CFAP47: variants seen among roughly 807,000 people sequenced by gnomAD.
The protein encoded by CFAP47 is cilia and flagella associated protein 47.
CFAP47 carries 29 observed loss-of-function variants against 148.1 expected under a neutral mutation model. The ratio of observed to expected loss-of-function variants is 0.20; its 90% CI spans 0.15 to 0.27. The LOEUF is 0.27. Ranked by LOEUF, CFAP47 falls within the 10% of genes least tolerant of loss-of-function variation. The pLI is 1.00. For missense variants in CFAP47, 1,872 were observed against 1,697.5 expected (o/e 1.10, Z -1.81); for synonymous variants, 664 against 577.3 (o/e 1.15, Z -2.15).
chrX:36,272,954 T>G (rs911577667), intron 49 of CFAP47, among the ~76,000 whole-genome samples: 12 of 111,023 alleles, frequency 1.1e-4, no homozygotes, highest in Non-Finnish European at 2.1e-4. Flanking sequence ...GCCAGGGAAA[T>G]ATATATGCCT....
At chrX:36,380,467 G>A (rs150591549) in intron 63 of CFAP47, among the ~76,000 whole-genome samples, 1,960 of 111,806 alleles carry the variant, frequency 0.018, 34 homozygotes, top group African/African-American at 0.059. Flanking sequence ...TTCCTGAGAC[G>A]GAGTCTCGCT....
chrX:36,271,329 A>G (rs1940956572), intron 49 of CFAP47, among the ~76,000 whole-genome samples: 1 of 111,643 alleles, frequency 9.0e-6, no homozygotes, highest in Non-Finnish European at 1.9e-5. Context: ...TCATACAGAG[A>G]TTTTCCTTAC....
At chrX:36,181,760 G>A (rs930852407) in intron 40 of CFAP47, among the ~76,000 whole-genome samples, 19 of 111,381 alleles carry the variant, frequency 1.7e-4, no homozygotes, top group African/African-American at 5.2e-4. Context: ...AAAATACTAC[G>A]GATTTACTCA....
intron 1 of CFAP47, among the ~76,000 whole-genome samples, chrX:35,924,232 T>C: frequency 1.1e-5 from 1 of 91,261 alleles, no homozygotes; most frequent in East Asian, 3.5e-4. Context: ...TGTGTATATA[T>C]GGACATGTAT....
At chrX:36,257,856 A>C (rs1940772462) in intron 49 of CFAP47, among the ~76,000 whole-genome samples, 1 of 111,904 alleles carries the variant, frequency 8.9e-6, no homozygotes, top group Non-Finnish European at 1.9e-5. Context: ...CATACTAAAA[A>C]ACTAAATACA....
chrX:36,207,489 C>CT (rs1189987463), intron 45 of CFAP47, among the ~76,000 whole-genome samples: 14 of 111,317 alleles, frequency 1.3e-4, no homozygotes, highest in African/African-American at 3.3e-4. Context: ...AAGTGGCTTT[C>CT]TTTCCTCTCA....
At chrX:36,173,309 C>G (rs908357946) in intron 39 of CFAP47, among the ~76,000 whole-genome samples, 4 of 111,563 alleles carry the variant, frequency 3.6e-5, no homozygotes, top group Non-Finnish European at 5.6e-5. Flanking sequence ...TTCAGTTCTG[C>G]TCTGATTTTA....
In CFAP47 at chrX:36,125,949, A is replaced by G. The variant is rs550701098; in HGVS notation, c.5321-12009A>G. Among the ~76,000 whole-genome samples, 3 of 111,092 alleles carry G rather than the reference A, an allele frequency of 2.7e-5. No homozygotes were observed. The South Asian group carries it at 1.1e-3, about 42-fold the overall frequency. ...ATATGTGTAACACTTATATTCTGTT[A>G]CTACGATTCAACCATGTGTAATGTT... On this transcript the variant is annotated intron_variant, in intron 33 of 63. Transcript: ENST00000378653.
chrX:36,239,382 AT>A (rs1940513223), intron 48 of CFAP47, among the ~76,000 whole-genome samples: 1 of 112,378 alleles, frequency 8.9e-6, no homozygotes, highest in African/African-American at 3.2e-5. Context: ...GGTTTGTGGC[AT>A]TTTAACTTGA....
intron 8 of CFAP47, among the ~76,000 whole-genome samples, chrX:35,959,888 A>C (rs1936299530): frequency 9.2e-6 from 1 of 109,054 alleles, no homozygotes; most frequent in South Asian, 3.9e-4. Flanking sequence ...CAAAAAAAAA[A>C]AAAAAAAAAA....
chrX:36,187,921 A>T (rs1248407162), intron 40 of CFAP47, among the ~76,000 whole-genome samples: 2 of 112,012 alleles, frequency 1.8e-5, no homozygotes, highest in African/African-American at 6.5e-5. Context: ...CAAAGTGAGC[A>T]AATGTGGGGT....
intron 26 of CFAP47, among the ~76,000 whole-genome samples, chrX:36,058,359 G>A (rs938077469): frequency 3.6e-5 from 4 of 111,738 alleles, no homozygotes; most frequent in South Asian, 3.7e-4. Flanking sequence ...TTTAAAAGAC[G>A]TATTAAAAAT....
At chrX:35,952,161 T>G (rs1462332044) in intron 6 of CFAP47, among the ~76,000 whole-genome samples, 198 bp downstream of exon 6, 1 of 111,975 alleles carries the variant, frequency 8.9e-6, no homozygotes, top group Non-Finnish European at 1.9e-5. Flanking sequence ...TCTAAATACT[T>G]CATGTAAAGT....
intron 45 of CFAP47, among the ~76,000 whole-genome samples, chrX:36,212,536 T>A (rs1248578301): frequency 9.0e-6 from 1 of 110,877 alleles, no homozygotes; most frequent in Non-Finnish European, 1.9e-5. Flanking sequence ...AAATTTGGAA[T>A]TTTTTTTTAT....
intron 57 of CFAP47, among the ~76,000 whole-genome samples, chrX:36,334,904 G>A (rs782203032): frequency 9.1e-6 from 1 of 110,191 alleles, no homozygotes; most frequent in Non-Finnish European, 1.9e-5. Flanking sequence ...CATGGTGTTT[G>A]TTTCTTTTAT....
chrX:35,973,209 C>T (rs1159574626), intron 13 of CFAP47, among the ~76,000 whole-genome samples: 2 of 110,639 alleles, frequency 1.8e-5, no homozygotes, highest in Non-Finnish European at 3.8e-5. Context: ...TTATTTATTG[C>T]GACGGAGTCT....
chrX:36,147,198 C>G (rs536803703), intron 36 of CFAP47, among the ~76,000 whole-genome samples: 96 of 108,044 alleles, frequency 8.9e-4, no homozygotes, highest in Middle Eastern at 4.7e-3. Flanking sequence ...CCTTTTGAAA[C>G]AAAATTTACA....
chrX:36,044,362 G>A (rs1448131015), intron 25 of CFAP47, among the ~76,000 whole-genome samples: 4 of 112,720 alleles, frequency 3.5e-5, no homozygotes, highest in Admixed American at 1.9e-4. Context: ...GCAAATTTTC[G>A]AAACCTTTAT....
intron 15 of CFAP47, among the ~76,000 whole-genome samples, chrX:35,983,703 C>A (rs1348950703): frequency 9.7e-6 from 1 of 102,763 alleles, no homozygotes; most frequent in East Asian, 3.1e-4. Context: ...AAAGCCTTTT[C>A]TGCATCTATT....
Sources: allele counts gnomAD v4.1 joint callset (sites outside exome capture counted in the v4.1 genomes callset), GRCh38; gene constraint gnomAD v4.1.1; transcripts MANE v1.5; gene names NCBI Gene and HGNC (gene_info 2026-07-23, HGNC 2026-07-21).